The following GPR137 variants were observed in gnomAD, a reference collection of about 807,000 sequenced individuals.
GPR137 encodes integral membrane protein GPR137.
In GPR137, 20 loss-of-function variants were observed where a neutral mutation model predicts 38.9. The observed-to-expected ratio is 0.51, with a 90% CI of 0.36 to 0.75. GPR137 has a LOEUF of 0.75. GPR137 is among the 30% of genes least tolerant of loss of function. The pLI is 0.00. For synonymous variants in GPR137, 226 were observed against 235.8 expected (o/e 0.96, Z 0.38); for missense variants, 456 against 526.4 (o/e 0.87, Z 1.31).
upstream of GPR137, chr11:64,284,962 A>C: frequency 7.2e-7 from 1 of 1,385,520 alleles, no homozygotes. Flanking sequence ...TTCTGCCAAC[A>C]AGTCCTTCAG....
chr11:64,276,930 G>T (rs1302595809), intron 2 of GPR137: 1 of 761,420 alleles, frequency 1.3e-6, no homozygotes, highest in African/African-American at 1.7e-5. Context: ...TCTGCGTGTT[G>T]GGCTTCTGAG....
chr11:64,288,877 T>C lies in GPR137; in HGVS notation c.1031+156T>C. 2.0e-6 allele frequency: 2 copies of C among 985,294 alleles called. No homozygotes were observed. The highest frequency in any genetic ancestry group is 6.1e-5 in the Admixed American group (1 of 16,276). The allele number at this position is 985,294 out of a possible 1,614,324, so 61.0% of individuals were successfully genotyped here. A position where few individuals can be genotyped will look rare whatever the true frequency, so the allele number is the denominator to read the frequency against. ...TACTAGGTGAGGTCCCCTGGGTTCC[T>C]ATTGCTAAAGCCTCCACCTCTTGCC... On this transcript the variant is annotated intron_variant, in intron 6 of 6. Coordinates refer to ENST00000438980, the MANE Select transcript of GPR137 (RefSeq NM_001170880.2). The surrounding 1 kb of genome is among the most constrained non-coding windows in gnomAD (Gnocchi z 5.5).
chr11:64,280,558 A>C (rs1166048824), upstream of GPR137, among the ~76,000 whole-genome samples: 1 of 149,492 alleles, frequency 6.7e-6, no homozygotes, highest in Non-Finnish European at 1.5e-5. Flanking sequence ...TCACCGTGTT[A>C]GCCAGGATGG....
chr11:64,284,768 G>T (rs957668799), upstream of GPR137: 3 of 1,534,840 alleles, frequency 2.0e-6, no homozygotes, highest in Non-Finnish European at 2.6e-6. Flanking sequence ...ACTCGGGTAG[G>T]TCCAGAGGCG....
intron 2 of GPR137, 53 bp downstream of exon 2, chr11:64,287,067 A>G: frequency 6.3e-7 from 1 of 1,588,070 alleles, no homozygotes; most frequent in Non-Finnish European, 8.6e-7. Context: ...GGCAGGTGAC[A>G]GTCCCATGTA....
chr11:64,279,676 T>C (rs1402820625), upstream of GPR137, among the ~76,000 whole-genome samples: 1 of 145,282 alleles, frequency 6.9e-6, no homozygotes. Context: ...GGCAGGAGAA[T>C]GGCATGAACC....
intron 2 of GPR137, chr11:64,276,549 A>G (rs1445069935): frequency 7.5e-5 from 13 of 173,556 alleles, no homozygotes; most frequent in Non-Finnish European, 1.6e-4. Flanking sequence ...CTGGTCTTTA[A>G]CTCCTGACCT....
At chr11:64,276,715 G>A (rs2033092836) in intron 2 of GPR137, 1 of 564,662 alleles carries the variant, frequency 1.8e-6, no homozygotes, top group African/African-American at 1.9e-5. Flanking sequence ...AGAGGGCTGG[G>A]GCAGGGCCTG....
At chr11:64,270,573 C>T in exon 1 of GPR137, 2 of 708,118 alleles carry the variant, frequency 2.8e-6, no homozygotes, top group Non-Finnish European at 5.1e-6. Flanking sequence ...GAGAGGATGC[C>T]TAGGGCCCTA....
intron 2 of GPR137, 100 bp from the exon 3 acceptor site, chr11:64,287,620 GC>G (rs2034247409): frequency 1.9e-6 from 3 of 1,565,148 alleles, no homozygotes; most frequent in Non-Finnish European, 8.6e-7. Flanking sequence ...CAGACTGGAT[GC>G]CCTGAGTTTT....
At chr11:64,272,527 G>A (rs1324203774), upstream of GPR137, among the ~76,000 whole-genome samples, 4 of 152,152 alleles carry the variant, frequency 2.6e-5, no homozygotes, top group Non-Finnish European at 4.4e-5. Context: ...GAACTTGGCC[G>A]CTACATGTCC....
upstream of GPR137, chr11:64,285,077 C>A: frequency 2.8e-5 from 31 of 1,089,618 alleles, no homozygotes; most frequent in Non-Finnish European, 3.5e-5. Flanking sequence ...GGCGAAGGCG[C>A]TTGGCACAGC....
At position 64,286,757 on chromosome 11, in the gene GPR137, CCTT is replaced by C. The variant is rs1293476135; in HGVS notation, c.236_238del (p.Phe79del). On this transcript the variant is annotated inframe_deletion, in exon 1 of 7. Coordinates refer to ENST00000438980, the MANE Select transcript of GPR137 (RefSeq NM_001170880.2). ...GCCGCCTTGCGTACCACCCTCTTCTCCTTCTACTTCCGAGATACTCCCCGCGCC... is the reference window on the plus strand; with the variant it reads ...GCCGCCTTGCGTACCACCCTCTTCTCCTACTTCCGAGATACTCCCCGCGCC... 8 of 1,612,378 alleles carry C rather than the reference CCTT, an allele frequency of 5.0e-6. No individual in the cohort carries two copies. The highest frequency in any genetic ancestry group is 6.8e-6 in the Non-Finnish European group (8 of 1,178,986).
At chr11:64,281,537 C>T (rs1213595139), upstream of GPR137, among the ~76,000 whole-genome samples, 1 of 152,174 alleles carries the variant, frequency 6.6e-6, no homozygotes, top group African/African-American at 2.4e-5. Context: ...TTCCTAAACC[C>T]CCTCCCCTAG....
upstream of GPR137, chr11:64,285,823 CGCAGGCG>C (rs1341377216): frequency 2.0e-6 from 2 of 985,236 alleles, no homozygotes; most frequent in African/African-American, 3.5e-5. Flanking sequence ...ACGGCGCCCG[CGCAGGCG>C]CGGAGGGGGA....
chr11:64,280,657 ATTTTAT>A (rs1203010295), upstream of GPR137, among the ~76,000 whole-genome samples: 1 of 140,168 alleles, frequency 7.1e-6, no homozygotes, highest in Non-Finnish European at 1.5e-5. Flanking sequence ...GGCCTAATTT[ATTTTAT>A]TTTTATTTAT....
upstream of GPR137, among the ~76,000 whole-genome samples, chr11:64,274,596 G>A (rs1332628675): frequency 6.6e-6 from 1 of 152,146 alleles, no homozygotes. Context: ...CCCAAGGCAG[G>A]TGGATCACGA....
chr11:64,270,672 G>A, intron 1 of GPR137: 1 of 563,940 alleles, frequency 1.8e-6, no homozygotes, highest in South Asian at 1.5e-5. Flanking sequence ...GTGAGCGCCT[G>A]TAATCCCAGC....
upstream of GPR137, among the ~76,000 whole-genome samples, chr11:64,272,023 A>T (rs2032668037): frequency 6.6e-6 from 1 of 152,186 alleles, no homozygotes; most frequent in Non-Finnish European, 1.5e-5. Flanking sequence ...TAATCCCACG[A>T]ATCCTTACCG....
Sources: allele counts gnomAD v4.1 joint callset (sites outside exome capture counted in the v4.1 genomes callset), GRCh38; gene constraint gnomAD v4.1.1; non-coding constraint Gnocchi (gnomAD v3.1); transcripts MANE v1.5; gene names NCBI Gene and HGNC (gene_info 2026-07-23, HGNC 2026-07-21).